SLC38A1: variants seen among roughly 807,000 people sequenced by gnomAD.
SLC38A1 encodes sodium-coupled neutral amino acid symporter 1.
SLC38A1 carries 18 observed loss-of-function variants against 60.3 expected under a neutral mutation model. The observed-to-expected ratio is 0.30, with a 90% confidence interval of 0.21 to 0.44. The LOEUF (loss-of-function observed/expected upper bound fraction) is 0.44. Among genes scored for constraint, SLC38A1 ranks in the 20% least tolerant of loss-of-function variants. The pLI, the probability that SLC38A1 is intolerant of heterozygous loss-of-function variation, is 1.00. For missense variants in SLC38A1, 448 were observed against 587.2 expected, an observed-to-expected ratio of 0.76 and a Z score of 2.45; for synonymous variants, 196 against 212.1, an observed-to-expected ratio of 0.92 and a Z score of 0.66.
chr12:46,204,634 T>A (rs1328037139), intron 9 of SLC38A1, 44 bp from the exon 10 acceptor site: 2 of 1,507,852 alleles, frequency 1.3e-6, no homozygotes, highest in Non-Finnish European at 1.8e-6. Context: ...TTTTTTCCAT[T>A]TTTAAAAATT....
At position 46,187,030 on chromosome 12, in the gene SLC38A1, G is replaced by A. The variant is rs1172667244; in HGVS notation, c.*1940C>T. On this transcript the variant is annotated 3_prime_UTR_variant, in exon 17 of 17. Coordinates refer to ENST00000398637, the MANE Select transcript of SLC38A1 (RefSeq NM_030674.4). ...AACATTGCTGAAAAGAACAGAGATG[G>A]CCATGGATATGGCTAGGTTAGGTAT... is the stretch of plus-strand genomic sequence containing the variant. 6.6e-6 allele frequency: 1 copy of A among 152,172 alleles called. No individual in the cohort carries two copies. The highest frequency in any genetic ancestry group is 1.5e-5 in the Non-Finnish European group (1 of 68,034). 9.4% of individuals were successfully genotyped at this position (152,172 alleles called of 1,614,324 possible).
At chr12:46,224,018 A>G (rs1940767055) in intron 5 of SLC38A1, among the ~76,000 whole-genome samples, 1 of 152,134 alleles carries the variant, frequency 6.6e-6, no homozygotes, top group African/African-American at 2.4e-5. Context: ...ACAAAACAAA[A>G]CCCACCATTC....
chr12:46,207,748 A>G, intron 6 of SLC38A1, 127 bp from the exon 7 acceptor site: 1 of 883,830 alleles, frequency 1.1e-6, no homozygotes, highest in Non-Finnish European at 1.8e-6. Flanking sequence ...TCACACAAAT[A>G]GTCATTTTGG....
chr12:46,196,335 G>A (rs1168026639), intron 16 of SLC38A1: 2 of 1,528,668 alleles, frequency 1.3e-6, no homozygotes, highest in Non-Finnish European at 1.7e-6. Context: ...ATACCATCCT[G>A]GGTCCAGTCT....
At chr12:46,214,866 T>TG (rs980218042) in intron 5 of SLC38A1, among the ~76,000 whole-genome samples, 2 of 152,110 alleles carry the variant, frequency 1.3e-5, no homozygotes, top group African/African-American at 2.4e-5. Flanking sequence ...ATAGCTCAGA[T>TG]GGGGGTGTTT....
chr12:46,250,922 G>A (rs1941814653), intron 1 of SLC38A1, among the ~76,000 whole-genome samples: 2 of 152,070 alleles, frequency 1.3e-5, no homozygotes, highest in South Asian at 4.2e-4. Flanking sequence ...ACTGCCCAAG[G>A]TAATGTATAG....
At chr12:46,228,185 C>A (rs1381603872) in intron 5 of SLC38A1, among the ~76,000 whole-genome samples, 1 of 152,154 alleles carries the variant, frequency 6.6e-6, no homozygotes, top group Admixed American at 6.5e-5. Context: ...TGTTAATTTA[C>A]ACACACACAA....
At chr12:46,227,284 C>CT (rs1555188064) in intron 5 of SLC38A1, among the ~76,000 whole-genome samples, 1 of 152,014 alleles carries the variant, frequency 6.6e-6, no homozygotes, top group Non-Finnish European at 1.5e-5. Flanking sequence ...TTTCAGTCAC[C>CT]TTTTCTGAGC....
intron 3 of SLC38A1, among the ~76,000 whole-genome samples, chr12:46,234,545 T>C (rs765905011): frequency 7.9e-5 from 12 of 151,804 alleles, no homozygotes; most frequent in Non-Finnish European, 1.8e-4. Context: ...CCTCCTGGGT[T>C]CACGCCATTC....
At chr12:46,221,937 CAG>C (rs2080152187) in intron 5 of SLC38A1, among the ~76,000 whole-genome samples, 1 of 152,174 alleles carries the variant, frequency 6.6e-6, no homozygotes, top group Admixed American at 6.5e-5. Flanking sequence ...ATTCAGAAGA[CAG>C]AGATGAGACA....
intron 2 of SLC38A1, among the ~76,000 whole-genome samples, chr12:46,241,575 A>G (rs1207282126): frequency 4.6e-5 from 7 of 152,196 alleles, no homozygotes; most frequent in Non-Finnish European, 7.4e-5. Flanking sequence ...ATTTGACCTC[A>G]TGACTCCTGG....
At chr12:46,229,366 G>A in intron 4 of SLC38A1, 98 bp from the exon 5 acceptor site, 6 of 881,522 alleles carry the variant, frequency 6.8e-6, no homozygotes, top group Non-Finnish European at 1.1e-5. Context: ...CAATATGGAA[G>A]TAAAATTCAA....
chr12:46,213,368 T>G (rs1940261879), intron 5 of SLC38A1, among the ~76,000 whole-genome samples: 1 of 152,234 alleles, frequency 6.6e-6, no homozygotes, highest in Non-Finnish European at 1.5e-5. Context: ...CTATATTTAT[T>G]TACATTACAT....
chr12:46,206,580 C>T (rs1271124189), intron 8 of SLC38A1, among the ~76,000 whole-genome samples: 1 of 152,168 alleles, frequency 6.6e-6, no homozygotes, highest in Non-Finnish European at 1.5e-5. Context: ...TCCCTGATCC[C>T]TTGGATTTGA....
intron 3 of SLC38A1, among the ~76,000 whole-genome samples, chr12:46,234,158 G>C (rs1941172399): frequency 6.6e-6 from 1 of 152,150 alleles, no homozygotes; most frequent in Non-Finnish European, 1.5e-5. Context: ...TACTTTATCT[G>C]TACTACACTC....
intron 1 of SLC38A1, among the ~76,000 whole-genome samples, chr12:46,266,843 CA>C (rs1375960117): frequency 6.6e-6 from 1 of 152,116 alleles, no homozygotes; most frequent in Non-Finnish European, 1.5e-5. Context: ...CAATTGCTTA[CA>C]GCGACATACT....
chr12:46,188,913 G>T lies in SLC38A1; in HGVS notation c.*57C>A. 1 of 1,361,716 alleles carries T rather than the reference G, an allele frequency of 7.3e-7. No homozygotes were observed. Among genetic ancestry groups the T allele is most frequent in the Non-Finnish European group, 1.0e-6 (1 of 957,534 alleles). 84.4% of individuals were successfully genotyped at this position (1,361,716 alleles called of 1,614,324 possible). ...GCAAAAGAAGTGGTGAGAGATTGCT[G>T]ATGTGTGGGGACTTGACTGAGCAGA... On this transcript the variant is annotated 3_prime_UTR_variant, in exon 17 of 17. Transcript: ENST00000398637.
intron 1 of SLC38A1, among the ~76,000 whole-genome samples, chr12:46,249,315 C>T (rs1284195221): frequency 1.3e-5 from 2 of 152,076 alleles, no homozygotes; most frequent in East Asian, 3.9e-4. Flanking sequence ...ATACCAGAAT[C>T]TCTGGGACAC....
Position 46,198,677 on chromosome 12 carries a change from C to T in SLC38A1, c.1070G>A (p.Arg357Gln), listed in dbSNP as rs762709334. The change falls in exon 14 of 17, where the codon CGG becomes CAG. Residue 357 changes from arginine to glutamine, a missense_variant. Around this residue, in one of 2 missense-constraint regions of SLC38A1, gnomAD observed 346 missense variants for 497.5 expected, o/e 0.70. Transcript: ENST00000398637. ...SKDDILILTV[R>Q]LAVIVAVILT... ...GATCACAGCAACAATGACAGCCAGC[C>T]GCACTGTCAGGATGAGAATGTCATC... 4.0e-5 allele frequency: 65 copies of T among 1,613,562 alleles called. No homozygotes were observed. Among genetic ancestry groups the T allele is most frequent in the Non-Finnish European group, 5.2e-5 (61 of 1,179,840 alleles).
Sources: allele counts gnomAD v4.1 joint callset (sites outside exome capture counted in the v4.1 genomes callset), GRCh38; gene constraint gnomAD v4.1.1; regional missense constraint gnomAD v4.1.1; transcripts MANE v1.5; gene names NCBI Gene and HGNC (gene_info 2026-07-23, HGNC 2026-07-21).